Variants in RBM22 observed in about 807,000 individuals in gnomAD.
The protein encoded by RBM22 is pre-mRNA-splicing factor RBM22.
RBM22 carries 1 observed loss-of-function variant against 50.1 expected under a neutral mutation model. The ratio of observed to expected loss-of-function variants is 0.02; its 90% CI spans 0.01 to 0.09. RBM22 has a LOEUF of 0.09. Among genes scored for constraint, RBM22 ranks in the 10% least tolerant of loss-of-function variants. RBM22 has a pLI of 1.00. For synonymous variants in RBM22, 152 were observed against 179.0 expected (o/e 0.85, Z 1.20); for missense variants, 264 against 529.3 (o/e 0.50, Z 4.92).
intron 10 of RBM22, among the ~76,000 whole-genome samples, chr5:150,692,564 C>T (rs1036772798): frequency 5.9e-5 from 9 of 152,042 alleles, no homozygotes; most frequent in African/African-American, 2.2e-4. Context: ...TGTAAAATGA[C>T]ACCCGCTCAC....
intron 4 of RBM22, among the ~76,000 whole-genome samples, 186 bp from the exon 5 acceptor site, chr5:150,697,077 T>A (rs1265840934): frequency 6.6e-6 from 1 of 152,194 alleles, no homozygotes; most frequent in African/African-American, 2.4e-5. Flanking sequence ...TGCTAAGAAA[T>A]TGTCCAAATT....
intron 7 of RBM22, 132 bp from the exon 8 acceptor site, chr5:150,694,372 G>T (rs142830487): frequency 7.2e-6 from 10 of 1,382,170 alleles, no homozygotes; most frequent in Non-Finnish European, 8.6e-6. Flanking sequence ...CTAACTACCC[G>T]CAGGTCTCCA....
At chr5:150,700,225 T>C (rs978743842) in intron 2 of RBM22, among the ~76,000 whole-genome samples, 5 of 152,228 alleles carry the variant, frequency 3.3e-5, no homozygotes, top group African/African-American at 1.2e-4. Flanking sequence ...CCTAGGTAAA[T>C]GCTCAACAAA....
Position 150,694,288 on chromosome 5 carries a change from T to C in RBM22, c.747-48A>G, listed in dbSNP as rs772741929. The C allele has an allele frequency of 3.8e-6, 6 of 1,588,170 alleles. No individual in the cohort carries two copies. In the South Asian group the frequency reaches 4.6e-5, roughly 12 times the overall value. ...AAATGAAAGTGGGAGTTAAAAAAGA[T>C]GTACCCAGGAGACTGAAAATGGATT... On this transcript the variant is annotated intron_variant, in intron 7 of 10. Coordinates refer to ENST00000199814, the MANE Select transcript of RBM22 (RefSeq NM_018047.3).
In RBM22 at chr5:150,693,345, C is replaced by T. The variant is rs766568504; in HGVS notation, c.912-38G>A. ...CATGCATACAGTCGGCACTCTGGCC[C>T]ACCTTATCTCACACCTCTGCTTCTT... is the stretch of plus-strand genomic sequence containing the variant. On this transcript the variant is annotated intron_variant, in intron 8 of 10. Transcript: ENST00000199814. 5.4e-6 allele frequency: 8 copies of T among 1,481,126 alleles called. No homozygotes were observed. The African/African-American group carries it at 9.7e-5, about 18-fold the overall frequency. 91.7% of individuals were successfully genotyped at this position (1,481,126 alleles called of 1,614,324 possible).
chr5:150,700,794 C>A, intron 1 of RBM22, 138 bp downstream of exon 1: 1 of 1,578,194 alleles, frequency 6.3e-7, no homozygotes, highest in Non-Finnish European at 8.6e-7. Context: ...CCTCCGCCCT[C>A]CTGCTCCGGC....
At position 150,696,406 on chromosome 5, in the gene RBM22, A is replaced by G; in HGVS notation, c.545+127T>C. On this transcript the variant is annotated intron_variant, in intron 6 of 10. Transcript: ENST00000199814. This position sits in a 1 kb window ranked among gnomAD's most constrained non-coding sequence, Gnocchi z 4.3. ...CTTCTAAATTTCATAGTTCTAAGAC[A>G]TGAGGTATACCACATTAGTTGTATG... is the stretch of plus-strand genomic sequence containing the variant. The G allele has an allele frequency of 9.7e-7, 1 of 1,035,040 alleles. No individual in the cohort carries two copies. Among genetic ancestry groups the G allele is most frequent in the Non-Finnish European group, 1.4e-6 (1 of 713,746 alleles). The allele number at this position is 1,035,040 out of a possible 1,614,324, so 64.1% of individuals were successfully genotyped here. A position where few individuals can be genotyped will look rare whatever the true frequency, so the allele number is the denominator to read the frequency against.
chr5:150,694,671 TG>T lies in RBM22; in HGVS notation c.747-432del, dbSNP rs542605272. The T allele has an allele frequency of 9.5e-3, 1,480 of 155,288 alleles. 21 individuals carry two copies. The highest frequency in any genetic ancestry group is 0.034 in the African/African-American group (1,418 of 41,608). The allele number at this position is 155,288 out of a possible 1,614,324, so 9.6% of individuals were successfully genotyped here. ...CTTACAGCGAAAGTCTGCCAACCCC[TG>T]GGGGTTGTCTAGCTCACTTAGATAG... is the stretch of plus-strand genomic sequence containing the variant. On this transcript the variant is annotated intron_variant, in intron 7 of 10. Coordinates refer to ENST00000199814, the MANE Select transcript of RBM22 (RefSeq NM_018047.3).
At chr5:150,700,310 T>C (rs1759329255) in intron 2 of RBM22, 134 bp downstream of exon 2, 12 of 818,588 alleles carry the variant, frequency 1.5e-5, no homozygotes, top group Non-Finnish European at 2.3e-5. Flanking sequence ...GACAGTTCTT[T>C]GCAAGTCGTC....
intron 6 of RBM22, among the ~76,000 whole-genome samples, chr5:150,695,909 C>T (rs997489480): frequency 4.1e-5 from 6 of 147,916 alleles, no homozygotes. Context: ...GAATTACTAG[C>T]CTCCTAAAAG....
chr5:150,699,149 T>C, intron 3 of RBM22, 93 bp downstream of exon 3: 1 of 1,489,008 alleles, frequency 6.7e-7, no homozygotes, highest in Middle Eastern at 2.0e-4. Flanking sequence ...TGATTTTTAC[T>C]GGAAGACCTC....
intron 10 of RBM22, among the ~76,000 whole-genome samples, chr5:150,692,479 CAATG>C (rs1759220692): frequency 6.6e-6 from 1 of 152,120 alleles, no homozygotes; most frequent in South Asian, 2.1e-4. Flanking sequence ...AAGACTTTCT[CAATG>C]AAGGAAGGGG....
At chr5:150,699,754 C>T (rs1480557755) in intron 2 of RBM22, among the ~76,000 whole-genome samples, 1 of 152,186 alleles carries the variant, frequency 6.6e-6, no homozygotes, top group African/African-American at 2.4e-5. Flanking sequence ...TTCCACAATC[C>T]CTAAATCAGA....
chr5:150,693,940 G>T (rs1217620608), intron 8 of RBM22, 136 bp downstream of exon 8: 1 of 1,123,070 alleles, frequency 8.9e-7, no homozygotes, highest in East Asian at 2.5e-5. Context: ...ATCACATAGA[G>T]AGTGATCTTT....
chr5:150,693,132 A>G (rs1759231099), intron 9 of RBM22, 87 bp downstream of exon 9: 3 of 1,543,084 alleles, frequency 1.9e-6, no homozygotes, highest in Admixed American at 1.8e-5. Flanking sequence ...TAGAGCGGCA[A>G]CATGAACCAG....
Position 150,694,207 on chromosome 5 carries a change from C to G in RBM22, c.780G>C (p.Thr260=). ...NHFYQFGEIR[T]ITVVQRQQCA... is the part of the protein sequence containing the mutation. ...ACTGCTGTCTCTGCACAACAGTGATCGTCCGGATCTCTCCGAACTGGTAGA... is the reference window on the plus strand; with the variant it reads ...ACTGCTGTCTCTGCACAACAGTGATGGTCCGGATCTCTCCGAACTGGTAGA... The change falls in exon 8 of 11, where the codon ACG becomes ACC. Residue 260 remains threonine, a synonymous_variant. Coordinates refer to ENST00000199814, the MANE Select transcript of RBM22 (RefSeq NM_018047.3). 6.2e-7 allele frequency: 1 copy of G among 1,613,830 alleles called. No individual in the cohort carries two copies. The highest frequency in any genetic ancestry group is 8.5e-7 in the Non-Finnish European group (1 of 1,179,924).
intron 1 of RBM22, 59 bp from the exon 2 acceptor site, chr5:150,700,556 G>A (rs775087405): frequency 6.2e-7 from 1 of 1,612,002 alleles, no homozygotes; most frequent in Non-Finnish European, 8.5e-7. Flanking sequence ...ACACCTCAGT[G>A]ACACTTGGGG....
intron 7 of RBM22, chr5:150,695,293 G>A: frequency 1.8e-6 from 1 of 552,064 alleles, no homozygotes; most frequent in Non-Finnish European, 3.2e-6. Flanking sequence ...TGAGATTACA[G>A]GCATGAGGCA....
chr5:150,695,434 T>A, intron 7 of RBM22, 72 bp downstream of exon 7: 1 of 1,213,490 alleles, frequency 8.2e-7, no homozygotes, highest in Non-Finnish European at 1.2e-6. Context: ...TGATCATTCT[T>A]GCAGTTTTTG....
Sources: allele counts gnomAD v4.1 joint callset (sites outside exome capture counted in the v4.1 genomes callset), GRCh38; gene constraint gnomAD v4.1.1; non-coding constraint Gnocchi (gnomAD v3.1); transcripts MANE v1.5; gene names NCBI Gene and HGNC (gene_info 2026-07-23, HGNC 2026-07-21).